Variants in KCNB2 observed in about 807,000 individuals in gnomAD.
The protein encoded by KCNB2 is potassium voltage-gated channel subfamily B member 2, also known as delayed rectifier potassium channel protein.
A neutral mutation model predicts 61.5 loss-of-function variants in KCNB2; 15 were observed. That is an observed-to-expected ratio of 0.24 (90% confidence interval 0.16 to 0.38). The LOEUF is 0.38. Ranked by LOEUF, KCNB2 falls within the 10% of genes least tolerant of loss-of-function variation. The probability of loss-of-function intolerance (pLI) is 1.00; values close to 1 mark genes in which losing one functional copy is unlikely to be tolerated. For synonymous variants in KCNB2, 457 were observed against 446.0 expected, an observed-to-expected ratio of 1.02 and a Z score of -0.31; for missense variants, 828 against 1,125.2, an observed-to-expected ratio of 0.74 and a Z score of 3.78.
At chr8:72,579,899 C>G (rs903390697) in intron 2 of KCNB2, among the ~76,000 whole-genome samples, 3 of 152,212 alleles carry the variant, frequency 2.0e-5, no homozygotes, top group Admixed American at 6.5e-5. Flanking sequence ...GGAACTTGTT[C>G]CCTGCAGTCC....
intron 2 of KCNB2, among the ~76,000 whole-genome samples, chr8:72,663,039 C>T (rs1273997284): frequency 6.6e-6 from 1 of 152,110 alleles, no homozygotes; most frequent in Non-Finnish European, 1.5e-5. Flanking sequence ...TCCCTGGGCA[C>T]ATTATACTAA....
chr8:72,926,465 G>A (rs1381605715), intron 2 of KCNB2, among the ~76,000 whole-genome samples: 1 of 151,826 alleles, frequency 6.6e-6, no homozygotes, highest in Non-Finnish European at 1.5e-5. Context: ...TTAAGTTCAG[G>A]GATACATGTG....
At chr8:72,615,940 G>A (rs927249332) in intron 2 of KCNB2, among the ~76,000 whole-genome samples, 1 of 152,162 alleles carries the variant, frequency 6.6e-6, no homozygotes, top group Non-Finnish European at 1.5e-5. Context: ...GATAATTTAA[G>A]TTTAAGTTGA....
At chr8:72,775,683 A>G (rs576302900) in intron 2 of KCNB2, among the ~76,000 whole-genome samples, 1 of 151,730 alleles carries the variant, frequency 6.6e-6, no homozygotes, top group African/African-American at 2.4e-5. Context: ...CCAGCCTTCT[A>G]TTATAAACAG....
intron 2 of KCNB2, among the ~76,000 whole-genome samples, chr8:72,659,697 C>T (rs1276090946): frequency 2.0e-5 from 3 of 152,188 alleles, no homozygotes; most frequent in Admixed American, 6.5e-5. Flanking sequence ...TTCATAGCCA[C>T]CACCCTGATC....
At chr8:72,799,264 A>C (rs181210923) in intron 2 of KCNB2, among the ~76,000 whole-genome samples, 2 of 152,272 alleles carry the variant, frequency 1.3e-5, no homozygotes, top group Admixed American at 1.3e-4. Flanking sequence ...TCCTTCAGCA[A>C]ATCAATGTTA....
chr8:72,863,367 G>A (rs1039419956), intron 2 of KCNB2, among the ~76,000 whole-genome samples: 4 of 152,112 alleles, frequency 2.6e-5, no homozygotes, highest in Non-Finnish European at 5.9e-5. Flanking sequence ...CTATCAAAAT[G>A]ATAATAAATT....
At chr8:72,628,199 C>T (rs908322784) in intron 2 of KCNB2, among the ~76,000 whole-genome samples, 1 of 152,152 alleles carries the variant, frequency 6.6e-6, no homozygotes, top group East Asian at 1.9e-4. Flanking sequence ...TGTCATCTGC[C>T]CGCCTTGACC....
intron 2 of KCNB2, among the ~76,000 whole-genome samples, chr8:72,796,016 G>A (rs1007841381): frequency 6.6e-6 from 1 of 152,058 alleles, no homozygotes; most frequent in African/African-American, 2.4e-5. Flanking sequence ...GGTGTGTAAC[G>A]CCCAGAAAAA....
At chr8:72,903,759 C>T (rs915267230) in intron 2 of KCNB2, among the ~76,000 whole-genome samples, 2 of 152,122 alleles carry the variant, frequency 1.3e-5, no homozygotes, top group Non-Finnish European at 2.9e-5. Flanking sequence ...AAGCCAGATA[C>T]CTCCATTTTC....
intron 2 of KCNB2, among the ~76,000 whole-genome samples, chr8:72,648,370 C>G (rs1351401762): frequency 6.6e-6 from 1 of 152,192 alleles, no homozygotes; most frequent in Non-Finnish European, 1.5e-5. Flanking sequence ...TCACTGGCCT[C>G]ATGGGATTCT....
chr8:72,748,161 A>C (rs1808112175), intron 2 of KCNB2, among the ~76,000 whole-genome samples: 1 of 152,242 alleles, frequency 6.6e-6, no homozygotes, highest in Non-Finnish European at 1.5e-5. Flanking sequence ...GGATTATCTT[A>C]ATTTAACATG....
At chr8:72,619,338 T>C in intron 2 of KCNB2, 12 of 595,284 alleles carry the variant, frequency 2.0e-5, no homozygotes, top group South Asian at 1.7e-4. Flanking sequence ...GAGAAGGTCT[T>C]GAAGAGGCTT....
chr8:72,542,245 A>G (rs1327307119), intron 1 of KCNB2, among the ~76,000 whole-genome samples: 1 of 152,190 alleles, frequency 6.6e-6, no homozygotes, highest in African/African-American at 2.4e-5. Flanking sequence ...AGGAAGCCAT[A>G]GAATCAAATA....
chr8:72,585,044 G>A (rs1030564262), intron 2 of KCNB2, among the ~76,000 whole-genome samples: 7 of 152,146 alleles, frequency 4.6e-5, no homozygotes, highest in Admixed American at 1.3e-4. Context: ...TAGGCTGCTC[G>A]TCTCTAAGGT....
In KCNB2 at chr8:72,726,174, C is replaced by T. The variant is rs951626450; in HGVS notation, c.579+157861C>T. On this transcript the variant is annotated intron_variant, in intron 2 of 2. Transcript: ENST00000523207. ...TGGAGCCCCCATGATGGGGTTAGTC[C>T]CCTTGTAAGAAGAGACACCAGAGAG... is the stretch of plus-strand genomic sequence containing the variant. 3.3e-5 allele frequency among the ~76,000 whole-genome samples: 5 copies of T among 152,046 alleles called. No individual in the cohort carries two copies. The South Asian group carries it at 1.0e-3, about 31-fold the overall frequency.
chr8:72,668,518 A>C (rs149323800), intron 2 of KCNB2, among the ~76,000 whole-genome samples: 1 of 152,258 alleles, frequency 6.6e-6, no homozygotes, highest in East Asian at 1.9e-4. Context: ...CTGCTAAGTT[A>C]ATCCTTTACT....
chr8:72,825,137 A>G (rs530510228), intron 2 of KCNB2, among the ~76,000 whole-genome samples: 15 of 152,328 alleles, frequency 9.8e-5, no homozygotes, highest in African/African-American at 3.4e-4. Context: ...TCTAAGTGGA[A>G]TCATACAGTA....
chr8:72,604,188 C>A (rs935852247), intron 2 of KCNB2, among the ~76,000 whole-genome samples: 1 of 152,168 alleles, frequency 6.6e-6, no homozygotes, highest in African/African-American at 2.4e-5. Flanking sequence ...TAATAATCAA[C>A]CCTACTCCAT....
Sources: allele counts gnomAD v4.1 joint callset (sites outside exome capture counted in the v4.1 genomes callset), GRCh38; gene constraint gnomAD v4.1.1; transcripts MANE v1.5; gene names NCBI Gene and HGNC (gene_info 2026-07-23, HGNC 2026-07-21).